WDR41: variants seen among roughly 807,000 people sequenced by gnomAD.
WDR41 encodes WD repeat-containing protein 41.
Under a neutral mutation model 69.3 loss-of-function variants are expected in WDR41, and 63 were observed. The observed-to-expected ratio is 0.91, with a 90% CI of 0.74 to 1.12. WDR41 has a LOEUF of 1.12. Among genes scored for constraint, WDR41 ranks in the 50% most tolerant of loss-of-function variants. WDR41 has a pLI of 0.00. For synonymous variants in WDR41, 185 were observed against 192.1 expected (o/e 0.96, Z 0.31); for missense variants, 543 against 534.5 (o/e 1.02, Z -0.16).
At chr5:77,542,125 A>G (rs542273568) in intron 1 of WDR41, among the ~76,000 whole-genome samples, 12 of 152,324 alleles carry the variant, frequency 7.9e-5, no homozygotes, top group Admixed American at 3.3e-4. Context: ...TGAAAGGGAT[A>G]TGGATGGAGC....
chr5:77,471,471 A>T (rs1227248229), intron 2 of WDR41, among the ~76,000 whole-genome samples: 1 of 152,220 alleles, frequency 6.6e-6, no homozygotes, highest in Non-Finnish European at 1.5e-5. Context: ...CCCTTCAAAA[A>T]ATTAATGAAT....
At chr5:77,570,187 G>A (rs777903936) in intron 1 of WDR41, among the ~76,000 whole-genome samples, 18 of 152,104 alleles carry the variant, frequency 1.2e-4, no homozygotes, top group Non-Finnish European at 2.2e-4. Context: ...GTTGCTAACA[G>A]TGTGACTTTC....
rs181289094 is a variant in WDR41, at chr5:77,608,682, G to A, written c.42+11797C>T. On this transcript the variant is annotated intron_variant, in intron 1 of 5. Transcript: ENST00000509971. ...GTGGAGGTTACAGATTTCGCAAGAA[G>A]GCCAAATAGGAACGGCTCTGGTCTA... is the stretch of plus-strand genomic sequence containing the variant. Among the ~76,000 whole-genome samples, 76 of 152,298 alleles carry A rather than the reference G, an allele frequency of 5.0e-4. 1 individual carries two copies. Among genetic ancestry groups the A allele is most frequent in the Admixed American group, 5.0e-3 (76 of 15,308 alleles).
chr5:77,472,076 T>C (rs1285921799), intron 2 of WDR41, among the ~76,000 whole-genome samples: 1 of 152,172 alleles, frequency 6.6e-6, no homozygotes, highest in Non-Finnish European at 1.5e-5. Flanking sequence ...TTATCCACCA[T>C]GATCAAGTGG....
Position 77,548,627 on chromosome 5 carries a change from A to G in WDR41, c.43-59055T>C, listed in dbSNP as rs368167106. ...GGCCATAATCAAAGAATCAAAAAAT[A>G]GTAGATGTTGGCATGGATGCTGTGA... On this transcript the variant is annotated intron_variant, in intron 1 of 5. Coordinates refer to the WDR41 transcript ENST00000509971. 2.5e-3 allele frequency among the ~76,000 whole-genome samples: 386 copies of G among 152,332 alleles called. 2 individuals are homozygous for G. The highest frequency in any genetic ancestry group is 3.9e-3 in the Non-Finnish European group (267 of 68,020).
chr5:77,492,075 G>C, intron 1 of WDR41, 95 bp downstream of exon 1: 1 of 1,468,654 alleles, frequency 6.8e-7, no homozygotes, highest in Non-Finnish European at 9.3e-7. Context: ...CCTCCGCCCG[G>C]GTCCCCGCGG....
chr5:77,493,661 C>T (rs1193935836), upstream of WDR41, among the ~76,000 whole-genome samples: 1 of 152,202 alleles, frequency 6.6e-6, no homozygotes, highest in African/African-American at 2.4e-5. Flanking sequence ...CAGTTGAAGA[C>T]AGACCAAAAC....
At chr5:77,553,932 T>A (rs2112245389) in intron 1 of WDR41, among the ~76,000 whole-genome samples, 1 of 152,324 alleles carries the variant, frequency 6.6e-6, no homozygotes, top group East Asian at 1.9e-4. Flanking sequence ...ATAATTGCAC[T>A]TCTGGACATT....
chr5:77,578,209 G>C (rs1331088221), intron 1 of WDR41, among the ~76,000 whole-genome samples: 1 of 152,080 alleles, frequency 6.6e-6, no homozygotes, highest in Non-Finnish European at 1.5e-5. Flanking sequence ...AGAGCAATAC[G>C]TACCCCCAGG....
chr5:77,502,511 A>G (rs143795211), intron 1 of WDR41, among the ~76,000 whole-genome samples: 1,820 of 152,312 alleles, frequency 0.012, 36 homozygotes, highest in African/African-American at 0.04. Flanking sequence ...AATTCAGAAA[A>G]ATAGATAACA....
intron 1 of WDR41, among the ~76,000 whole-genome samples, chr5:77,619,410 G>A (rs1388766149): frequency 6.6e-6 from 1 of 152,106 alleles, no homozygotes; most frequent in African/African-American, 2.4e-5. Context: ...AGGTTTCATT[G>A]TCTCAACCTA....
At chr5:77,536,581 G>A (rs1489425149) in intron 1 of WDR41, among the ~76,000 whole-genome samples, 3 of 152,110 alleles carry the variant, frequency 2.0e-5, no homozygotes, top group African/African-American at 4.8e-5. Flanking sequence ...CAACATTTCA[G>A]TCAATGACAA....
chr5:77,523,680 A>C (rs1173122285), intron 1 of WDR41, among the ~76,000 whole-genome samples: 1 of 152,092 alleles, frequency 6.6e-6, no homozygotes, highest in African/African-American at 2.4e-5. Context: ...GCTCTTTTTT[A>C]GTTTAACAAT....
At chr5:77,582,758 C>T in intron 1 of WDR41, 2 of 1,596,066 alleles carry the variant, frequency 1.3e-6, no homozygotes, top group African/African-American at 1.3e-5. Context: ...CTCAACAAGG[C>T]TTCGATTAAC....
intron 12 of WDR41, among the ~76,000 whole-genome samples, chr5:77,434,933 T>C (rs1798881591): frequency 6.6e-6 from 1 of 152,184 alleles, no homozygotes; most frequent in Non-Finnish European, 1.5e-5. Flanking sequence ...AATGAGTTCC[T>C]ACTATTTAAA....
intron 1 of WDR41, among the ~76,000 whole-genome samples, chr5:77,508,218 C>T (rs1042698012): frequency 1.3e-5 from 2 of 152,116 alleles, no homozygotes; most frequent in African/African-American, 4.8e-5. Flanking sequence ...ACCACCCAGG[C>T]TCAGGTGATT....
At chr5:77,535,252 A>G (rs1471659096) in intron 1 of WDR41, among the ~76,000 whole-genome samples, 3 of 152,102 alleles carry the variant, frequency 2.0e-5, no homozygotes, top group Non-Finnish European at 4.4e-5. Context: ...CTGTGGCCAG[A>G]TCCTCCCACT....
chr5:77,613,093 T>G (rs1385236275), intron 1 of WDR41, among the ~76,000 whole-genome samples: 4 of 151,208 alleles, frequency 2.6e-5, no homozygotes, highest in Non-Finnish European at 4.4e-5. Context: ...ACAAGGGACG[T>G]GAAGGACCTC....
At chr5:77,584,670 ATACT>A (rs1233854563) in intron 1 of WDR41, among the ~76,000 whole-genome samples, 1 of 152,202 alleles carries the variant, frequency 6.6e-6, no homozygotes, top group Admixed American at 6.5e-5. Context: ...AGCAAGCCAA[ATACT>A]TACAGACAAC....
Sources: allele counts gnomAD v4.1 joint callset (sites outside exome capture counted in the v4.1 genomes callset), GRCh38; gene constraint gnomAD v4.1.1; transcripts MANE v1.5; gene names NCBI Gene and HGNC (gene_info 2026-07-23, HGNC 2026-07-21).